KANSL1L: variants seen among roughly 807,000 people sequenced by gnomAD.
The protein encoded by KANSL1L is KAT8 regulatory NSL complex subunit 1 like.
KANSL1L carries 25 observed loss-of-function variants against 108.6 expected under a neutral mutation model. That is an observed-to-expected ratio of 0.23 (90% CI 0.17 to 0.32). The LOEUF (loss-of-function observed/expected upper bound fraction) is 0.32, where lower values mean the gene tolerates loss of function less well. KANSL1L is among the 10% of genes least tolerant of loss of function. KANSL1L has a pLI of 1.00. For missense variants in KANSL1L, 1,137 were observed against 1,125.7 expected, an observed-to-expected ratio of 1.01 and a Z score of -0.14; for synonymous variants, 405 against 395.1, an observed-to-expected ratio of 1.03 and a Z score of -0.30.
chr2:210,119,139 G>A (rs1003152860), intron 3 of KANSL1L, among the ~76,000 whole-genome samples: 17 of 151,380 alleles, frequency 1.1e-4, no homozygotes, highest in African/African-American at 3.6e-4. Context: ...AGCCAAGATC[G>A]CACCACTGCA....
intron 8 of KANSL1L, among the ~76,000 whole-genome samples, chr2:210,039,351 C>CGTTAA (rs1379160325): frequency 3.8e-4 from 58 of 151,760 alleles, no homozygotes; most frequent in Admixed American, 3.8e-3. Flanking sequence ...TGTAGGTACT[C>CGTTAA]GTTAAGTTTG....
At chr2:210,079,129 T>C (rs1017090861) in intron 5 of KANSL1L, among the ~76,000 whole-genome samples, 2 of 151,928 alleles carry the variant, frequency 1.3e-5, no homozygotes, top group Non-Finnish European at 2.9e-5. Flanking sequence ...TGACAGTCCT[T>C]AAAAAATTTT....
intron 6 of KANSL1L, among the ~76,000 whole-genome samples, chr2:210,074,264 C>T (rs1320387288): frequency 6.6e-6 from 1 of 152,114 alleles, no homozygotes; most frequent in African/African-American, 2.4e-5. Context: ...TCACCATAAC[C>T]TTCAAAACTC....
chr2:210,073,423 C>T (rs981218489), intron 6 of KANSL1L, among the ~76,000 whole-genome samples: 20 of 151,730 alleles, frequency 1.3e-4, no homozygotes, highest in Non-Finnish European at 2.6e-4. Context: ...AGGATGGGCA[C>T]AGTAGCTCAC....
intron 1 of KANSL1L, among the ~76,000 whole-genome samples, chr2:210,168,722 T>C (rs970831395): frequency 4.6e-5 from 7 of 152,118 alleles, no homozygotes; most frequent in African/African-American, 1.7e-4. Context: ...ATCAGATCAC[T>C]GAGGCCTCAC....
At chr2:210,090,401 G>A (rs1450425693) in intron 5 of KANSL1L, among the ~76,000 whole-genome samples, 1 of 152,138 alleles carries the variant, frequency 6.6e-6, no homozygotes, top group Non-Finnish European at 1.5e-5. Context: ...GGGACACTGA[G>A]TGATTGTCAA....
chr2:210,118,618 A>C (rs2094981719), intron 3 of KANSL1L, among the ~76,000 whole-genome samples: 1 of 152,084 alleles, frequency 6.6e-6, no homozygotes, highest in East Asian at 1.9e-4. Flanking sequence ...AGGCCAGGGC[A>C]GGCAGACTGC....
chr2:210,029,695 A>G (rs2093988458), intron 10 of KANSL1L, 108 bp downstream of exon 10: 1 of 509,654 alleles, frequency 2.0e-6, no homozygotes, highest in Non-Finnish European at 3.5e-6. Context: ...ATGTCTGTTA[A>G]TATGTGCTAG....
At chr2:210,145,271 T>C (rs2095257540) in intron 2 of KANSL1L, among the ~76,000 whole-genome samples, 1 of 152,186 alleles carries the variant, frequency 6.6e-6, no homozygotes, top group Non-Finnish European at 1.5e-5. Context: ...GCATTTGCAG[T>C]GGTGGCAGCA....
rs1377020787 is a variant in KANSL1L at position 210,022,070 on chromosome 2, GTCTTC to G, written c.*874_*878del. 6.8e-6 allele frequency: 1 copy of G among 146,620 alleles called. No homozygotes were observed. The highest frequency in any genetic ancestry group is 1.5e-5 in the Non-Finnish European group (1 of 67,164). 9.1% of individuals were successfully genotyped at this position (146,620 alleles called of 1,614,324 possible). A position where few individuals can be genotyped will look rare whatever the true frequency, so the allele number is the denominator to read the frequency against. On this transcript the variant is annotated 3_prime_UTR_variant, in exon 15 of 15. Coordinates refer to ENST00000281772, the MANE Select transcript of KANSL1L (RefSeq NM_152519.4). Reference sequence around the variant, plus strand: ...GTTTGTGGCTCATTTTAAAACTGGTGTCTTCTCTTCATGAGACACATTAATTGGTA... The same window carrying G: ...GTTTGTGGCTCATTTTAAAACTGGTGTCTTCATGAGACACATTAATTGGTA...
At chr2:210,132,126 T>TA (rs2095126793) in intron 2 of KANSL1L, among the ~76,000 whole-genome samples, 1 of 152,076 alleles carries the variant, frequency 6.6e-6, no homozygotes, top group Admixed American at 6.6e-5. Context: ...CTAAAAAAAA[T>TA]AAGATTGTTA....
intron 6 of KANSL1L, among the ~76,000 whole-genome samples, chr2:210,046,019 G>C (rs979358560): frequency 1.3e-5 from 2 of 152,092 alleles, no homozygotes; most frequent in African/African-American, 4.8e-5. Flanking sequence ...TCAAAGTGCT[G>C]GCAGATTTAG....
intron 3 of KANSL1L, among the ~76,000 whole-genome samples, chr2:210,112,460 A>G (rs1308272187): frequency 6.6e-6 from 1 of 152,194 alleles, no homozygotes; most frequent in Admixed American, 6.5e-5. Context: ...AGTGCTAAAG[A>G]AAAATAACTG....
At chr2:210,104,816 T>C (rs965826859) in intron 3 of KANSL1L, among the ~76,000 whole-genome samples, 1 of 152,188 alleles carries the variant, frequency 6.6e-6, no homozygotes, top group African/African-American at 2.4e-5. Flanking sequence ...CCCCTGTTGC[T>C]GTCAGCCAGC....
At chr2:210,105,048 C>T (rs902380212) in intron 3 of KANSL1L, among the ~76,000 whole-genome samples, 5 of 152,078 alleles carry the variant, frequency 3.3e-5, no homozygotes, top group Admixed American at 6.6e-5. Flanking sequence ...CTGGTTTGCT[C>T]GGCTTTCTCC....
At chr2:210,030,189 T>A (rs2093995501) in intron 9 of KANSL1L, among the ~76,000 whole-genome samples, 1 of 151,990 alleles carries the variant, frequency 6.6e-6, no homozygotes, top group Non-Finnish European at 1.5e-5. Flanking sequence ...CCCTTTATTC[T>A]TGTTTCCTGT....
intron 2 of KANSL1L, among the ~76,000 whole-genome samples, chr2:210,149,267 A>G (rs949413390): frequency 2.0e-5 from 3 of 152,166 alleles, no homozygotes; most frequent in Admixed American, 1.3e-4. Context: ...CACTCAACAA[A>G]TACCAAGCAA....
chr2:210,110,341 A>C (rs1043863503), intron 3 of KANSL1L, among the ~76,000 whole-genome samples: 1 of 152,174 alleles, frequency 6.6e-6, no homozygotes, highest in Non-Finnish European at 1.5e-5. Context: ...TTGGTCCTTT[A>C]TTATTCAAAG....
intron 3 of KANSL1L, among the ~76,000 whole-genome samples, chr2:210,112,774 C>A (rs2094920972): frequency 1.3e-5 from 2 of 152,090 alleles, no homozygotes; most frequent in African/African-American, 4.8e-5. Context: ...CAGGAACCAC[C>A]AGGAATCTGT....
Sources: allele counts gnomAD v4.1 joint callset (sites outside exome capture counted in the v4.1 genomes callset), GRCh38; gene constraint gnomAD v4.1.1; transcripts MANE v1.5; gene names NCBI Gene and HGNC (gene_info 2026-07-23, HGNC 2026-07-21).